FSHR: variants seen among roughly 807,000 people sequenced by gnomAD.
The protein encoded by FSHR is follicle-stimulating hormone receptor.
Under a neutral mutation model 52.1 loss-of-function variants are expected in FSHR, and 46 were observed. The ratio of observed to expected loss-of-function variants is 0.88; its 90% CI spans 0.70 to 1.13. The LOEUF is 1.13. Ranked by LOEUF, FSHR falls within the 50% of genes most tolerant of loss-of-function variation. The pLI is 0.00. For missense variants in FSHR, 964 were observed against 834.6 expected, an observed-to-expected ratio of 1.16 and a Z score of -1.91; for synonymous variants, 399 against 309.6, an observed-to-expected ratio of 1.29 and a Z score of -3.03.
intron 1 of FSHR, among the ~76,000 whole-genome samples, chr2:49,082,068 G>T (rs143470208): frequency 6.6e-6 from 1 of 152,182 alleles, no homozygotes; most frequent in African/African-American, 2.4e-5. Flanking sequence ...AGCTCCCAGC[G>T]TGAGCGACAC....
intron 1 of FSHR, among the ~76,000 whole-genome samples, chr2:49,118,605 A>G (rs963663523): frequency 6.6e-6 from 1 of 152,242 alleles, no homozygotes; most frequent in African/African-American, 2.4e-5. Context: ...CTAGAGGCTG[A>G]TAAGACCCTG....
chr2:49,010,901 T>C (rs936615679), intron 4 of FSHR, among the ~76,000 whole-genome samples: 4 of 152,180 alleles, frequency 2.6e-5, no homozygotes, highest in Non-Finnish European at 5.9e-5. Flanking sequence ...TTATTGCATC[T>C]ATTGGATTCT....
chr2:49,028,430 C>T (rs1327748221), intron 2 of FSHR, among the ~76,000 whole-genome samples: 1 of 152,128 alleles, frequency 6.6e-6, no homozygotes, highest in African/African-American at 2.4e-5. Flanking sequence ...CTTATCATTG[C>T]CCAGTCGTGT....
At chr2:49,027,786 G>T (rs1558398958) in intron 2 of FSHR, among the ~76,000 whole-genome samples, 1 of 149,346 alleles carries the variant, frequency 6.7e-6, no homozygotes, top group Non-Finnish European at 1.5e-5. Flanking sequence ...GGAGGCGGAG[G>T]TTGCAGTGAG....
At position 48,962,856 on chromosome 2, in the gene FSHR, C is replaced by G; in HGVS notation, c.1965G>C (p.Arg655Ser). 1 of 1,614,120 alleles carries G rather than the reference C, an allele frequency of 6.2e-7. No homozygotes were observed. Among genetic ancestry groups the G allele is most frequent in the Non-Finnish European group, 8.5e-7 (1 of 1,180,020 alleles). Residue 655 changes from arginine to serine, a missense_variant, in exon 10 of 10, where the codon AGG becomes AGC. Physicochemically the swap from Arg to Ser is moderately radical, Grantham distance 110. Transcript: ENST00000406846. ...TGTGGACAGTGGATGAAGTTTCTGT[C>G]CTATAAATTTGGGCTTGCATTTCAT... ...GCYEMQAQIYRTETSSTVHNT... is the reference protein window; with the variant it reads ...GCYEMQAQIYSTETSSTVHNT...
intron 1 of FSHR, among the ~76,000 whole-genome samples, chr2:49,127,898 C>CTTCTTCTTCTTCTTCTTTT (rs1558457105): frequency 1.1e-4 from 3 of 27,258 alleles, no homozygotes; most frequent in African/African-American, 5.4e-4. Flanking sequence ...TCTTCTTCTT[C>CTTCTTCTTCTTCTTCTTTT]TTTTTTTTTT....
At chr2:49,023,017 T>C (rs1298261124) in intron 2 of FSHR, among the ~76,000 whole-genome samples, 2 of 152,106 alleles carry the variant, frequency 1.3e-5, no homozygotes, top group East Asian at 3.9e-4. Context: ...GCAAGGTTCT[T>C]TAGGGAAATA....
At chr2:48,979,057 A>G (rs997122240) in intron 8 of FSHR, among the ~76,000 whole-genome samples, 1 of 152,168 alleles carries the variant, frequency 6.6e-6, no homozygotes, top group African/African-American at 2.4e-5. Flanking sequence ...AGTAATTCTC[A>G]GAGAGCACTC....
chr2:49,039,407 C>A (rs1192795562), intron 2 of FSHR, among the ~76,000 whole-genome samples: 1 of 152,206 alleles, frequency 6.6e-6, no homozygotes, highest in Non-Finnish European at 1.5e-5. Flanking sequence ...AAGTCTCCAC[C>A]TGCTGCACTG....
rs780284648 is a variant in FSHR, at chr2:48,962,993, G to A, written c.1828C>T (p.Leu610=). The part of the protein sequence containing the change: ...PLITVSKAKI[L]LVLFHPINSC... ...TTGATGGGGTGAAACAGAACCAGCA[G>A]AATCTTTGCTTTGGACACAGTGATG... The change falls in exon 10 of 10, where the codon CTG becomes TTG. Residue 610 remains leucine (L), a synonymous_variant. Coordinates refer to ENST00000406846, the MANE Select transcript of FSHR (RefSeq NM_000145.4). 1.9e-6 allele frequency: 3 copies of A among 1,614,172 alleles called. No homozygotes were observed. Among genetic ancestry groups the A allele is most frequent in the East Asian group, 2.2e-5 (1 of 44,882 alleles).
chr2:48,980,517 G>C (rs1410467687), intron 8 of FSHR, among the ~76,000 whole-genome samples: 1 of 152,140 alleles, frequency 6.6e-6, no homozygotes, highest in Non-Finnish European at 1.5e-5. Flanking sequence ...ATCTTCGCCT[G>C]GAATCTGCTT....
chr2:49,028,326 G>C (rs1411242327), intron 2 of FSHR, among the ~76,000 whole-genome samples: 1 of 152,202 alleles, frequency 6.6e-6, no homozygotes, highest in Non-Finnish European at 1.5e-5. Flanking sequence ...TGTCTCATCA[G>C]GGCCCTGCTG....
rs28635873 is a variant in FSHR at position 49,129,846 on chromosome 2, C to A, written c.152+24420G>T. 5.6e-3 allele frequency among the ~76,000 whole-genome samples: 846 copies of A among 152,232 alleles called. 9 individuals carry two copies. The highest frequency in any genetic ancestry group is 0.019 in the African/African-American group (809 of 41,536). On this transcript the variant is annotated intron_variant, in intron 1 of 9. Coordinates refer to ENST00000406846, the MANE Select transcript of FSHR (RefSeq NM_000145.4). ...TCTGGCAGACCCTACTGAGGTTGAA[C>A]TTCAGGAAACTTAGAGTTGTAAAAC...
At chr2:48,964,100 C>A (rs910578236) in intron 9 of FSHR, 134 bp from the exon 10 acceptor site, 8 of 757,450 alleles carry the variant, frequency 1.1e-5, no homozygotes, top group Non-Finnish European at 2.2e-6. Context: ...TCATACCTGC[C>A]CTTGAGGCTA....
chr2:48,979,761 A>G (rs910681989), intron 8 of FSHR, among the ~76,000 whole-genome samples: 2 of 151,814 alleles, frequency 1.3e-5, no homozygotes, highest in Non-Finnish European at 2.9e-5. Context: ...ACATTCTGAG[A>G]GCACCCTCCG....
chr2:48,968,826 C>A lies in FSHR; in HGVS notation c.726G>T (p.Lys242Asn). Residue 242 changes from lysine (K) to asparagine (N), a missense_variant, in exon 9 of 10, where the codon AAG becomes AAT. By Grantham distance (94) the Lys-to-Asn change is moderately conservative (BLOSUM62 0). Transcript: ENST00000406846. ...SLPSYGLENL[K>N]KLRARSTYNL... ...TGTAAGTCGACCTGGCCCTCAGCTT[C>A]TTAAGATTTTCTAAGCCATAGCTAG... is the stretch of plus-strand genomic sequence containing the variant. 6.2e-7 allele frequency: 1 copy of A among 1,614,070 alleles called. No individual in the cohort carries two copies. Among genetic ancestry groups the A allele is most frequent in the South Asian group, 1.1e-5 (1 of 91,088 alleles).
intron 1 of FSHR, among the ~76,000 whole-genome samples, chr2:49,100,205 G>A (rs1040139515): frequency 6.6e-6 from 1 of 152,114 alleles, no homozygotes; most frequent in African/African-American, 2.4e-5. Context: ...TAGCTATATA[G>A]AAGGTGGTAG....
chr2:49,025,373 T>A (rs1247548567), intron 2 of FSHR, among the ~76,000 whole-genome samples: 1 of 152,166 alleles, frequency 6.6e-6, no homozygotes, highest in Non-Finnish European at 1.5e-5. Flanking sequence ...ACTGGTGCTA[T>A]CTGTATTTGA....
intron 8 of FSHR, among the ~76,000 whole-genome samples, chr2:48,980,166 G>A (rs539701729): frequency 1.1e-4 from 16 of 152,298 alleles, no homozygotes; most frequent in African/African-American, 3.8e-4. Flanking sequence ...GGCCCCAGGG[G>A]GAAAAGAGGA....
Sources: allele counts gnomAD v4.1 joint callset (sites outside exome capture counted in the v4.1 genomes callset), GRCh38; gene constraint gnomAD v4.1.1; transcripts MANE v1.5; gene names NCBI Gene and HGNC (gene_info 2026-07-23, HGNC 2026-07-21).